Variants in NARS2 observed in about 807,000 individuals in gnomAD.
NARS2 encodes the protein asparaginyl-tRNA synthetase.
NARS2 carries 60 observed loss-of-function variants against 62.9 expected under a neutral mutation model. The ratio of observed to expected loss-of-function variants is 0.95; its 90% confidence interval spans 0.77 to 1.18. The LOEUF (loss-of-function observed/expected upper bound fraction) is 1.18, where lower values mean the gene tolerates loss of function less well. Ranked by LOEUF, NARS2 falls within the 50% of genes most tolerant of loss-of-function variation. The probability of loss-of-function intolerance (pLI) is 0.00; values close to 1 mark genes in which losing one functional copy is unlikely to be tolerated. For synonymous variants in NARS2, 196 were observed against 200.0 expected, an observed-to-expected ratio of 0.98 and a Z score of 0.17; for missense variants, 619 against 576.4, an observed-to-expected ratio of 1.07 and a Z score of -0.76.
At chr11:78,453,795 C>T (rs1858055457) in intron 11 of NARS2, among the ~76,000 whole-genome samples, 2 of 152,198 alleles carry the variant, frequency 1.3e-5, no homozygotes, top group Admixed American at 1.3e-4. Context: ...GGAAAGAGGG[C>T]TTTCCAGATG....
intron 5 of NARS2, among the ~76,000 whole-genome samples, chr11:78,535,632 CT>C (rs879730039): frequency 2.3e-3 from 327 of 143,952 alleles, no homozygotes; most frequent in African/African-American, 4.5e-3. Flanking sequence ...CCAGAAAGCT[CT>C]TTTTTTTTTT....
intron 5 of NARS2, among the ~76,000 whole-genome samples, chr11:78,549,776 C>T (rs1263149619): frequency 1.3e-5 from 2 of 152,100 alleles, no homozygotes; most frequent in African/African-American, 4.8e-5. Flanking sequence ...CTACCAAAAC[C>T]AGTGCCATCC....
intron 11 of NARS2, among the ~76,000 whole-genome samples, chr11:78,444,727 C>CAAAAAAAAAAAAAAA (rs1391489970): frequency 1.1e-5 from 1 of 92,416 alleles, no homozygotes; most frequent in African/African-American, 3.6e-5. Flanking sequence ...TCAAACAAAA[C>CAAAAAAAAAAAAAAA]AAAAAAAAAA....
intron 11 of NARS2, among the ~76,000 whole-genome samples, chr11:78,463,683 T>C (rs1006006817): frequency 1.4e-4 from 10 of 73,864 alleles, no homozygotes; most frequent in African/African-American, 3.8e-4. Flanking sequence ...TGAAATTCTA[T>C]CTCAAAAAAA....
intron 3 of NARS2, among the ~76,000 whole-genome samples, chr11:78,568,117 A>G (rs1856803383): frequency 6.6e-6 from 1 of 152,246 alleles, no homozygotes; most frequent in South Asian, 2.1e-4. Context: ...GCATCACCCA[A>G]CAGAACTTTC....
chr11:78,453,761 C>T (rs915762668), intron 11 of NARS2, among the ~76,000 whole-genome samples: 1 of 152,050 alleles, frequency 6.6e-6, no homozygotes, highest in African/African-American at 2.4e-5. Flanking sequence ...TATTTTGGCC[C>T]TAAAAACAAA....
intron 11 of NARS2, among the ~76,000 whole-genome samples, chr11:78,444,714 G>A (rs1857691486): frequency 1.1e-5 from 1 of 90,082 alleles, no homozygotes; most frequent in East Asian, 5.4e-4. Flanking sequence ...GCAAGACTCT[G>A]TCTCAAACAA....
chr11:78,449,304 T>C (rs745960890), intron 11 of NARS2, among the ~76,000 whole-genome samples: 6 of 151,672 alleles, frequency 4.0e-5, no homozygotes, highest in South Asian at 2.1e-4. Flanking sequence ...CCCGGCTAAT[T>C]TTTTTGTATT....
At chr11:78,444,689 A>G (rs1478208245) in intron 11 of NARS2, among the ~76,000 whole-genome samples, 1 of 149,296 alleles carries the variant, frequency 6.7e-6, no homozygotes, top group Non-Finnish European at 1.5e-5. Context: ...ACTGCATTCT[A>G]GCCTGGGCGA....
intron 12 of NARS2, among the ~76,000 whole-genome samples, chr11:78,442,200 C>T (rs1031508212): frequency 6.6e-6 from 1 of 152,126 alleles, no homozygotes; most frequent in Non-Finnish European, 1.5e-5. Context: ...AGGTTTCTTG[C>T]CATGTGTGAT....
intron 5 of NARS2, among the ~76,000 whole-genome samples, chr11:78,559,220 T>C (rs1222804203): frequency 7.3e-6 from 1 of 136,124 alleles, no homozygotes; most frequent in Non-Finnish European, 1.5e-5. Context: ...GGAGAATCGC[T>C]TGAACCCTAG....
At chr11:78,452,755 A>C (rs953514224) in intron 11 of NARS2, among the ~76,000 whole-genome samples, 14 of 152,148 alleles carry the variant, frequency 9.2e-5, no homozygotes, top group African/African-American at 3.4e-4. Context: ...GAACCCTCCA[A>C]ATAATTCAGC....
chr11:78,462,159 G>T (rs1182237632), intron 11 of NARS2, among the ~76,000 whole-genome samples: 1 of 152,134 alleles, frequency 6.6e-6, no homozygotes, highest in African/African-American at 2.4e-5. Context: ...GCTTAATCTA[G>T]GGAAATTAAA....
At chr11:78,544,113 G>A (rs1855753594) in intron 5 of NARS2, among the ~76,000 whole-genome samples, 1 of 148,908 alleles carries the variant, frequency 6.7e-6, no homozygotes, top group Non-Finnish European at 1.5e-5. Context: ...ATCACTATCT[G>A]TCCACCTAAA....
intron 3 of NARS2, among the ~76,000 whole-genome samples, chr11:78,566,905 A>C (rs987675789): frequency 3.3e-5 from 5 of 152,200 alleles, no homozygotes; most frequent in African/African-American, 1.2e-4. Context: ...GTTTTAATTA[A>C]AAAGATAACA....
At chr11:78,498,003 CAG>C (rs1860130842) in intron 6 of NARS2, among the ~76,000 whole-genome samples, 1 of 152,144 alleles carries the variant, frequency 6.6e-6, no homozygotes, top group African/African-American at 2.4e-5. Context: ...CCAAGTTTGA[CAG>C]AGTCTGACAA....
chr11:78,467,937 C>A (rs769553555), intron 10 of NARS2, among the ~76,000 whole-genome samples: 23 of 151,718 alleles, frequency 1.5e-4, no homozygotes, highest in Non-Finnish European at 2.8e-4. Context: ...ATTTTAAACT[C>A]CTGGGCTCAA....
At position 78,496,110 on chromosome 11, in the gene NARS2, C is replaced by T. The variant is rs902374397; in HGVS notation, c.690-2915G>A. On this transcript the variant is annotated intron_variant, in intron 6 of 13. Transcript: ENST00000281038. The stretch of plus-strand genomic sequence containing the variant: ...TTTTGATAGAGTAAGAACTAATGAC[C>T]ACAGTGCTTCCTCTAAAGTAACAGA... Among the ~76,000 whole-genome samples, 3 of 152,034 alleles carry T rather than the reference C, an allele frequency of 2.0e-5. 1 individual carries two copies. The South Asian group carries it at 6.2e-4, about 32-fold the overall frequency.
intron 9 of NARS2, among the ~76,000 whole-genome samples, chr11:78,475,362 A>G (rs1191568265): frequency 6.6e-6 from 1 of 152,172 alleles, no homozygotes. Context: ...AGTGCTGCAA[A>G]GAACATGTAA....
Sources: allele counts gnomAD v4.1 joint callset (sites outside exome capture counted in the v4.1 genomes callset), GRCh38; gene constraint gnomAD v4.1.1; transcripts MANE v1.5; gene names NCBI Gene and HGNC (gene_info 2026-07-23, HGNC 2026-07-21).